Variants in CCDC66 observed in about 807,000 individuals in gnomAD.
CCDC66 encodes coiled-coil domain containing 66.
Under a neutral mutation model 128.3 loss-of-function variants are expected in CCDC66, and 133 were observed. The observed-to-expected ratio is 1.04, with a 90% confidence interval of 0.90 to 1.20. The LOEUF is 1.20. Ranked by LOEUF, CCDC66 falls within the 50% of genes most tolerant of loss-of-function variation. The pLI is 0.00. For synonymous variants in CCDC66, 387 were observed against 357.0 expected, an observed-to-expected ratio of 1.08 and a Z score of -0.95; for missense variants, 1,126 against 1,075.5, an observed-to-expected ratio of 1.05 and a Z score of -0.66.
intron 10 of CCDC66, among the ~76,000 whole-genome samples, chr3:56,597,533 A>C (rs1022440725): frequency 1.3e-5 from 2 of 151,946 alleles, no homozygotes; most frequent in African/African-American, 4.8e-5. Flanking sequence ...ATTTGTTTGT[A>C]TCCTCTTTCG....
chr3:56,615,769 T>C, intron 12 of CCDC66, 153 bp from the exon 13 acceptor site: 1 of 506,994 alleles, frequency 2.0e-6, no homozygotes, highest in Non-Finnish European at 3.3e-6. Context: ...CTAAATTCAG[T>C]AACTGATAGG....
chr3:56,592,525 AT>A lies in CCDC66; in HGVS notation c.937-429del, dbSNP rs11386043. On this transcript the variant is annotated intron_variant, in intron 7 of 17. Transcript: ENST00000394672. ...AGACATGCACCACCACAGCTGGCTA[AT>A]TTTTTTTTTTTTTTTCAGTAGAGAT... 5.7e-3 allele frequency among the ~76,000 whole-genome samples: 805 copies of A among 142,130 alleles called. 5 individuals are homozygous for A. Among genetic ancestry groups the A allele is most frequent in the African/African-American group, 0.018 (680 of 38,558 alleles). The allele number at this position is 142,130 out of a possible 152,430, so 93.2% of individuals were successfully genotyped here.
chr3:56,617,507 C>A lies in CCDC66; in HGVS notation c.2239C>A (p.Pro747Thr), dbSNP rs1320056872. The change falls in exon 14 of 18, where the codon CCT (proline) becomes ACT (threonine). Residue 747 changes from proline to threonine, a missense_variant. Coordinates refer to ENST00000394672, the MANE Select transcript of CCDC66 (RefSeq NM_001141947.3). The part of the protein sequence containing the change: ...ELLHLVEKNN[P>T]GHLSQNRGIS... ...GCTTCATTTGGTAGAAAAAAATAATCCTGGGCACCTCTCTCAAAACAGAGG... is the reference window on the plus strand; with the variant it reads ...GCTTCATTTGGTAGAAAAAAATAATACTGGGCACCTCTCTCAAAACAGAGG... The A allele has an allele frequency of 6.2e-7, 1 of 1,613,794 alleles. No individual in the cohort carries two copies. Among genetic ancestry groups the A allele is most frequent in the Non-Finnish European group, 8.5e-7 (1 of 1,179,894 alleles).
At chr3:56,595,024 A>G (rs1276894532) in intron 10 of CCDC66, among the ~76,000 whole-genome samples, 1 of 152,216 alleles carries the variant, frequency 6.6e-6, no homozygotes, top group Non-Finnish European at 1.5e-5. Context: ...TGGAAATTTG[A>G]CATTTCCACT....
At chr3:56,564,960 TA>T (rs2107762433) in intron 4 of CCDC66, among the ~76,000 whole-genome samples, 1 of 152,344 alleles carries the variant, frequency 6.6e-6, no homozygotes, top group East Asian at 1.9e-4. Context: ...ACAACCTGCT[TA>T]TTAGGCATAA....
At chr3:56,614,249 G>C (rs575943422) in intron 11 of CCDC66, among the ~76,000 whole-genome samples, 2 of 152,210 alleles carry the variant, frequency 1.3e-5, no homozygotes, top group East Asian at 3.9e-4. Context: ...ATATTGGTTT[G>C]GCTTTTTCTG....
intron 6 of CCDC66, 53 bp downstream of exon 6, chr3:56,567,106 T>C (rs1031624958): frequency 1.2e-5 from 17 of 1,419,392 alleles, no homozygotes; most frequent in Admixed American, 1.0e-4. Context: ...AGAATATGTA[T>C]TGAAGCCGGG....
intron 11 of CCDC66, among the ~76,000 whole-genome samples, chr3:56,614,217 CAT>C (rs1424689830): frequency 2.0e-5 from 3 of 152,160 alleles, no homozygotes; most frequent in Non-Finnish European, 2.9e-5. Context: ...TATTATTTCA[CAT>C]GATATAGTTC....
intron 7 of CCDC66, among the ~76,000 whole-genome samples, chr3:56,586,965 G>A (rs2069880975): frequency 6.6e-6 from 1 of 151,768 alleles, no homozygotes; most frequent in African/African-American, 2.4e-5. Context: ...CTGAGGTGAA[G>A]GAATTACTTT....
chr3:56,587,411 C>T (rs1473202079), intron 7 of CCDC66, among the ~76,000 whole-genome samples: 1 of 151,870 alleles, frequency 6.6e-6, no homozygotes, highest in Non-Finnish European at 1.5e-5. Context: ...ATAGTGGCTT[C>T]TGCTTCTGGG....
Position 56,577,302 on chromosome 3 carries a change from T to C in CCDC66, c.936+6000T>C, listed in dbSNP as rs551795999. Among the ~76,000 whole-genome samples the C allele has an allele frequency of 2.8e-4, 43 of 151,970 alleles. No homozygotes were observed. The South Asian group carries it at 6.0e-3, about 21-fold the overall frequency. The stretch of plus-strand genomic sequence containing the variant: ...TTTTCTTATAAATTTGTTTAAGTTA[T>C]TTATAGATTCTGGATATTAGCCCTT... On this transcript the variant is annotated intron_variant, in intron 7 of 17. Transcript: ENST00000394672.
intron 10 of CCDC66, among the ~76,000 whole-genome samples, chr3:56,604,780 A>G (rs1432396914): frequency 6.6e-6 from 1 of 151,648 alleles, no homozygotes; most frequent in Non-Finnish European, 1.5e-5. Context: ...CTTCTCCAGG[A>G]GTATCTTTGC....
At chr3:56,613,804 A>C in intron 11 of CCDC66, 54 bp downstream of exon 11, 2 of 1,447,034 alleles carry the variant, frequency 1.4e-6, no homozygotes, top group Non-Finnish European at 1.9e-6. Flanking sequence ...TTTTTGAGAC[A>C]GGGTCTCACT....
In CCDC66 at chr3:56,610,011, T is replaced by C. The variant is rs554394270; in HGVS notation, c.1405-3578T>C. 3.3e-5 allele frequency among the ~76,000 whole-genome samples: 5 copies of C among 152,332 alleles called. No individual in the cohort carries two copies. In the East Asian group the frequency reaches 7.7e-4, roughly 23 times the overall value. Reference sequence around the variant, plus strand: ...CTGTCTCACAGCTCTTAAGATTCTTTCCTTCGTCTTCACTTTGGATAACCT... The same window carrying C: ...CTGTCTCACAGCTCTTAAGATTCTTCCCTTCGTCTTCACTTTGGATAACCT... On this transcript the variant is annotated intron_variant, in intron 10 of 17. Coordinates refer to ENST00000394672, the MANE Select transcript of CCDC66 (RefSeq NM_001141947.3).
chr3:56,566,943 A>G lies in CCDC66; in HGVS notation c.711-7A>G. The G allele has an allele frequency of 6.2e-7, 1 of 1,607,566 alleles. No homozygotes were observed. Among genetic ancestry groups the G allele is most frequent in the Non-Finnish European group, 8.5e-7 (1 of 1,174,598 alleles). ...CAGTTTCTGTTATCTTTTGTGTTTT[A>G]CCTTAGAGAGAATGAATGGAAACCA... On this transcript the variant is annotated splice_region_variant and splice_polypyrimidine_tract_variant and intron_variant, in intron 5 of 17. Transcript: ENST00000394672.
At chr3:56,577,130 G>T (rs958923681) in intron 7 of CCDC66, among the ~76,000 whole-genome samples, 9 of 151,790 alleles carry the variant, frequency 5.9e-5, no homozygotes, top group Non-Finnish European at 1.2e-4. Context: ...CTGTGAGATG[G>T]TATCTCATTG....
At chr3:56,560,939 T>C (rs1197868028) in intron 3 of CCDC66, 1 of 456,386 alleles carries the variant, frequency 2.2e-6, no homozygotes, top group Non-Finnish European at 4.4e-6. Context: ...CTCTAAGCCC[T>C]TGATGGCTTT....
chr3:56,574,707 G>T (rs1452346642), intron 7 of CCDC66, among the ~76,000 whole-genome samples: 1 of 151,754 alleles, frequency 6.6e-6, no homozygotes, highest in Non-Finnish European at 1.5e-5. Flanking sequence ...AATTTAAAGA[G>T]TTGGGGTCTC....
intron 10 of CCDC66, among the ~76,000 whole-genome samples, chr3:56,603,071 G>A (rs915371095): frequency 2.6e-5 from 4 of 151,792 alleles, no homozygotes; most frequent in South Asian, 2.1e-4. Context: ...TCCCAACCTC[G>A]TGATCCACCC....
Sources: gnomAD v4.1 joint callset for allele counts (sites outside exome capture counted in the v4.1 genomes callset) on GRCh38, gnomAD v4.1.1 for gene constraint, MANE v1.5 for transcripts, NCBI Gene and HGNC (gene_info 2026-07-23, HGNC 2026-07-21) for gene names.